The following SCN11A variants were observed in gnomAD, a reference collection of about 807,000 sequenced individuals.
SCN11A encodes sodium voltage-gated channel alpha subunit 11.
Under a neutral mutation model 162.2 loss-of-function variants are expected in SCN11A, and 122 were observed. The observed-to-expected ratio is 0.75, with a 90% CI of 0.65 to 0.87. The LOEUF (loss-of-function observed/expected upper bound fraction) is 0.87. SCN11A is among the 40% of genes least tolerant of loss of function. The pLI, the probability that SCN11A is intolerant of heterozygous loss-of-function variation, is 0.00. For missense variants in SCN11A, 2,015 were observed against 2,181.6 expected, an observed-to-expected ratio of 0.92 and a Z score of 1.52; for synonymous variants, 758 against 751.5, an observed-to-expected ratio of 1.01 and a Z score of -0.14.
At chr3:38,998,038 C>CA (rs369428287) in intron 2 of SCN11A, among the ~76,000 whole-genome samples, 6 of 152,210 alleles carry the variant, frequency 3.9e-5, no homozygotes, top group African/African-American at 1.4e-4. Context: ...AATCCCCTTC[C>CA]AAAAACAGAG....
chr3:38,850,802 C>T lies in SCN11A; in HGVS notation c.4057-51G>A, dbSNP rs534613088. 5.0e-5 allele frequency: 71 copies of T among 1,420,436 alleles called. No individual in the cohort carries two copies. The South Asian group carries it at 8.7e-4, about 17-fold the overall frequency. 88.0% of individuals were successfully genotyped at this position (1,420,436 alleles called of 1,614,324 possible). A position where few individuals can be genotyped will look rare whatever the true frequency, so the allele number is the denominator to read the frequency against. ...CATTTTGAATGCAAGAATAAAATTA[C>T]ATACAATAAAAAGAACATAAATACA... On this transcript the variant is annotated intron_variant, in intron 28 of 29. Coordinates refer to ENST00000302328, the MANE Select transcript of SCN11A (RefSeq NM_001349253.2).
chr3:39,040,147 C>T (rs529765963), intron 1 of SCN11A, among the ~76,000 whole-genome samples: 1 of 152,248 alleles, frequency 6.6e-6, no homozygotes, highest in Non-Finnish European at 1.5e-5. Context: ...CCAATGGACA[C>T]TTACCACCAG....
chr3:38,917,185 C>CGGAGAAAAA (rs1335831962), intron 11 of SCN11A, among the ~76,000 whole-genome samples: 3 of 152,078 alleles, frequency 2.0e-5, no homozygotes, highest in African/African-American at 4.8e-5. Flanking sequence ...GGCATGGATG[C>CGGAGAAAAA]GGAGAAAAAG....
At position 38,993,783 on chromosome 3, in the gene SCN11A, A is replaced by T. The variant is rs137927302; in HGVS notation, c.-279-33360T>A. Among the ~76,000 whole-genome samples, 355 of 152,296 alleles carry T rather than the reference A, an allele frequency of 2.3e-3. 4 individuals are homozygous for T. Among genetic ancestry groups the T allele is most frequent in the East Asian group, 0.018 (93 of 5,186 alleles). On this transcript the variant is annotated intron_variant, in intron 2 of 29. Coordinates refer to ENST00000302328, the MANE Select transcript of SCN11A (RefSeq NM_001349253.2). ...GCCCACCTAAGTTCCACAGCACTGGAGATGTCTTCCAACCCCTCAAGTGCC... is the reference window on the plus strand; with the variant it reads ...GCCCACCTAAGTTCCACAGCACTGGTGATGTCTTCCAACCCCTCAAGTGCC...
intron 23 of SCN11A, among the ~76,000 whole-genome samples, chr3:38,876,849 G>C (rs1298614723): frequency 6.6e-6 from 1 of 151,902 alleles, no homozygotes; most frequent in Non-Finnish European, 1.5e-5. Flanking sequence ...TCCCACTAAT[G>C]TGTATCTACT....
At chr3:39,034,650 T>C (rs1261753591) in intron 1 of SCN11A, among the ~76,000 whole-genome samples, 2 of 152,086 alleles carry the variant, frequency 1.3e-5, no homozygotes, top group South Asian at 2.1e-4. Flanking sequence ...GGCATACAAA[T>C]TGGAAAGAAA....
intron 11 of SCN11A, among the ~76,000 whole-genome samples, chr3:38,918,703 T>C (rs1191742589): frequency 3.3e-5 from 5 of 152,246 alleles, no homozygotes; most frequent in African/African-American, 4.8e-5. Context: ...GGAATCATTC[T>C]AGAAAGCTCA....
At chr3:38,917,427 A>G (rs1465099139) in intron 11 of SCN11A, among the ~76,000 whole-genome samples, 2 of 152,272 alleles carry the variant, frequency 1.3e-5, no homozygotes, top group African/African-American at 4.8e-5. Context: ...ATGCCCAACA[A>G]TGACAGACTG....
intron 2 of SCN11A, among the ~76,000 whole-genome samples, chr3:38,995,675 C>T (rs1408511324): frequency 1.3e-5 from 2 of 152,156 alleles, no homozygotes; most frequent in Non-Finnish European, 2.9e-5. Context: ...TCCCCTGGTA[C>T]TCAGGCCTTT....
At chr3:38,855,579 A>C (rs906534833) in intron 28 of SCN11A, among the ~76,000 whole-genome samples, 18 of 152,116 alleles carry the variant, frequency 1.2e-4, no homozygotes, top group Admixed American at 5.2e-4. Context: ...CTCTCTTGAA[A>C]GCACCACCTC....
At chr3:38,993,817 CTCT>C (rs778749364) in intron 2 of SCN11A, among the ~76,000 whole-genome samples, 2 of 152,192 alleles carry the variant, frequency 1.3e-5, no homozygotes, top group African/African-American at 2.4e-5. Flanking sequence ...CCTAGTGTCT[CTCT>C]TCTTTTCTGC....
chr3:38,938,934 T>C lies in SCN11A; in HGVS notation c.488+6477A>G, dbSNP rs542335563. ...GCTCATGCCTGTAATCTCAGCACTT[T>C]GGGAGGCTTAGGCAGGCGGATCACT... is the stretch of plus-strand genomic sequence containing the variant. On this transcript the variant is annotated intron_variant, in intron 7 of 29. Transcript: ENST00000302328. 6.0e-4 allele frequency among the ~76,000 whole-genome samples: 91 copies of C among 151,988 alleles called. 1 individual carries two copies. Among genetic ancestry groups the C allele is most frequent in the Non-Finnish European group, 1.2e-3 (80 of 67,992 alleles).
At chr3:38,879,411 T>C (rs1330895111) in intron 23 of SCN11A, among the ~76,000 whole-genome samples, 3 of 152,172 alleles carry the variant, frequency 2.0e-5, no homozygotes, top group Admixed American at 6.6e-5. Context: ...CTGAAACAAA[T>C]TGATAATCCT....
At chr3:38,892,523 G>A (rs190291280) in intron 19 of SCN11A, among the ~76,000 whole-genome samples, 2 of 152,086 alleles carry the variant, frequency 1.3e-5, no homozygotes, top group East Asian at 3.9e-4. Flanking sequence ...CACACCTGCA[G>A]GTAACTCACA....
At position 38,846,713 on chromosome 3, in the gene SCN11A, C is replaced by T. The variant is rs768645024; in HGVS notation, c.5357G>A (p.Gly1786Asp). Residue 1786 changes from glycine to aspartate, a missense_variant, in exon 30 of 30, where the codon GGC becomes GAC. Gly to Asp is a moderately conservative substitution (Grantham distance 94). Transcript: ENST00000302328. ...GAGGGCTCAGTCACAGTGGACCTTGCCCTTGGCCACCCCAAAGCTAGACAA... is the reference window on the plus strand; with the variant it reads ...GAGGGCTCAGTCACAGTGGACCTTGTCCTTGGCCACCCCAAAGCTAGACAA... ...GDLSSFGVAKGKVHCD is the reference protein window; with the variant it reads ...GDLSSFGVAKDKVHCD The T allele has an allele frequency of 5.0e-6, 8 of 1,613,956 alleles. No homozygotes were observed. The highest frequency in any genetic ancestry group is 6.8e-6 in the Non-Finnish European group (8 of 1,179,940).
At chr3:38,873,836 C>G (rs774125737) in intron 23 of SCN11A, among the ~76,000 whole-genome samples, 1 of 152,180 alleles carries the variant, frequency 6.6e-6, no homozygotes, top group Non-Finnish European at 1.5e-5. Flanking sequence ...ATTTATCACT[C>G]TGCACTGTTT....
chr3:38,951,160 G>A (rs374570359), intron 4 of SCN11A, among the ~76,000 whole-genome samples: 267 of 152,356 alleles, frequency 1.8e-3, no homozygotes, highest in African/African-American at 5.5e-3. Context: ...AGGGAGAGGC[G>A]CGAGCGGGAA....
intron 1 of SCN11A, among the ~76,000 whole-genome samples, chr3:39,047,636 G>T (rs1456585190): frequency 6.6e-6 from 1 of 151,936 alleles, no homozygotes; most frequent in Non-Finnish European, 1.5e-5. Flanking sequence ...CATCCAACAA[G>T]GAATTAATAT....
At chr3:38,877,971 T>C (rs1032320828) in intron 23 of SCN11A, among the ~76,000 whole-genome samples, 1 of 151,302 alleles carries the variant, frequency 6.6e-6, no homozygotes, top group Non-Finnish European at 1.5e-5. Flanking sequence ...AGACCTAAGC[T>C]AAGAGGACAC....
Sources: gnomAD v4.1 joint callset for allele counts (sites outside exome capture counted in the v4.1 genomes callset) on GRCh38, gnomAD v4.1.1 for gene constraint, MANE v1.5 for transcripts, NCBI Gene and HGNC (gene_info 2026-07-23, HGNC 2026-07-21) for gene names.